FRMPD1: variants seen among roughly 807,000 people sequenced by gnomAD.
FRMPD1 encodes the protein FERM and PDZ domain containing 1, also known as FERM and PDZ domain-containing protein 1.
A neutral mutation model predicts 117.8 loss-of-function variants in FRMPD1; 76 were observed. The observed-to-expected ratio is 0.65, with a 90% CI of 0.54 to 0.78. The LOEUF (loss-of-function observed/expected upper bound fraction) is 0.78. Among genes scored for constraint, FRMPD1 ranks in the 30% least tolerant of loss-of-function variants. The pLI is 0.00. For missense variants in FRMPD1, 1,786 were observed against 1,964.5 expected, an observed-to-expected ratio of 0.91 and a Z score of 1.72; for synonymous variants, 783 against 770.4, an observed-to-expected ratio of 1.02 and a Z score of -0.27.
chr9:37,650,660 C>T (rs1032809464), upstream of FRMPD1, among the ~76,000 whole-genome samples: 3 of 152,164 alleles, frequency 2.0e-5, no homozygotes, highest in African/African-American at 7.2e-5. Context: ...TGGGGAGTCC[C>T]TTTCCTCTCC....
upstream of FRMPD1, among the ~76,000 whole-genome samples, chr9:37,650,769 G>T (rs1471652906): frequency 4.6e-5 from 7 of 151,584 alleles, no homozygotes; most frequent in African/African-American, 7.2e-5. Context: ...GAGCGGGACC[G>T]CCCACTGCGG....
intron 1 of FRMPD1, among the ~76,000 whole-genome samples, chr9:37,683,747 T>C (rs1821815451): frequency 6.6e-6 from 1 of 150,630 alleles, no homozygotes; most frequent in South Asian, 2.1e-4. Flanking sequence ...CTGCAGAGTG[T>C]TGTGTGAGGG....
rs573955616 is a variant in FRMPD1 at position 37,667,062 on chromosome 9, CT to C, written c.-5+15984del. ...GGAAAAGAGAGACAATTGAAGCATG[CT>C]TTTTTTTTTTTTTTTCCTGAGACAG... is the stretch of plus-strand genomic sequence containing the variant. On this transcript the variant is annotated intron_variant, in intron 1 of 15. Transcript: ENST00000377765. Among the ~76,000 whole-genome samples the C allele has an allele frequency of 8.9e-4, 99 of 111,026 alleles. 1 individual carries two copies. Among genetic ancestry groups the C allele is most frequent in the South Asian group, 1.6e-3 (5 of 3,210 alleles). 72.8% of individuals were successfully genotyped at this position (111,026 alleles called of 152,430 possible).
At chr9:37,672,879 C>T (rs1484847082) in intron 1 of FRMPD1, among the ~76,000 whole-genome samples, 1 of 152,064 alleles carries the variant, frequency 6.6e-6, no homozygotes, top group Admixed American at 6.5e-5. Flanking sequence ...AAGACCAGCC[C>T]CGTGATTAAA....
At chr9:37,699,293 A>T (rs371789782) in intron 2 of FRMPD1, among the ~76,000 whole-genome samples, 16 of 150,884 alleles carry the variant, frequency 1.1e-4, no homozygotes, top group African/African-American at 3.2e-4. Flanking sequence ...AATAAGCATG[A>T]GATTTACTGA....
At chr9:37,660,575 G>C (rs753757770) in intron 1 of FRMPD1, among the ~76,000 whole-genome samples, 8 of 152,130 alleles carry the variant, frequency 5.3e-5, no homozygotes, top group Non-Finnish European at 1.2e-4. Context: ...TTTTAAAGTA[G>C]GTTTAAACAA....
rs1277289276 is a variant in FRMPD1 at position 37,745,674 on chromosome 9, G to A, written c.3642G>A (p.Lys1214=). ...TAGACCCTGATTTCTTTCTTGGGAA[G>A]CAGACAGTTTCACCAGCCGTCCCTC... ...LDLDPDFFLG[K]QTVSPAVPPE... is the part of the protein sequence containing the mutation. Residue 1214 remains lysine (K), a synonymous_variant, in exon 16 of 16, where the codon AAG becomes AAA. Transcript: ENST00000377765. 1.9e-6 allele frequency: 3 copies of A among 1,614,014 alleles called. No homozygotes were observed. The highest frequency in any genetic ancestry group is 1.7e-6 in the Non-Finnish European group (2 of 1,180,032).
chr9:37,668,305 G>T (rs1432147154), intron 1 of FRMPD1: 1 of 152,266 alleles, frequency 6.6e-6, no homozygotes, highest in Non-Finnish European at 1.5e-5. Context: ...CGCAGATGAG[G>T]AGGGTCATGC....
intron 6 of FRMPD1, among the ~76,000 whole-genome samples, chr9:37,720,919 T>A (rs1030390397): frequency 7.9e-5 from 12 of 152,212 alleles, no homozygotes; most frequent in African/African-American, 2.4e-4. Context: ...AACACATGAC[T>A]CTTCATTTCA....
chr9:37,692,684 C>T lies in FRMPD1; in HGVS notation c.43C>T (p.His15Tyr). The T allele has an allele frequency of 6.2e-7, 1 of 1,613,910 alleles. No homozygotes were observed. The highest frequency in any genetic ancestry group is 8.5e-7 in the Non-Finnish European group (1 of 1,179,812). The change falls in exon 2 of 16, where the codon CAT becomes TAT. Residue 15 changes from histidine (H) to tyrosine (Y), a missense_variant. Coordinates refer to ENST00000377765, the MANE Select transcript of FRMPD1 (RefSeq NM_014907.3). ...ETSLFQTRKA[H>Y]RIEQMVARWL... ...CAGTTTATTCCAGACACGGAAAGCA[C>T]ATAGAATAGAACAAATGGTGGCAAG...
the FRMPD1 span, among the ~76,000 whole-genome samples, chr9:37,628,692 A>T: frequency 6.6e-6 from 1 of 152,218 alleles, no homozygotes; most frequent in Non-Finnish European, 1.5e-5. Context: ...TACCTGAGGG[A>T]TGGCCACTTG....
chr9:37,692,587 C>G (rs1822178012), intron 1 of FRMPD1, 51 bp from the exon 2 acceptor site: 2 of 1,172,424 alleles, frequency 1.7e-6, no homozygotes, highest in Admixed American at 3.4e-5. Flanking sequence ...TATCAAAATC[C>G]TCTTTAGAGT....
chr9:37,717,748 C>T (rs17416518), intron 5 of FRMPD1, among the ~76,000 whole-genome samples: 19,158 of 152,066 alleles, frequency 0.13, 1,514 homozygotes, highest in Middle Eastern at 0.19. Context: ...GTTCATTTTC[C>T]GGAAAACTTG....
chr9:37,674,957 G>T (rs954702725), intron 1 of FRMPD1, among the ~76,000 whole-genome samples: 1 of 152,056 alleles, frequency 6.6e-6, no homozygotes, highest in Non-Finnish European at 1.5e-5. Flanking sequence ...CACACCATGG[G>T]CCCTAAAAAA....
chr9:37,735,679 T>A lies in FRMPD1; in HGVS notation c.1346T>A (p.Leu449Gln), dbSNP rs959325480. 17 of 1,613,848 alleles carry A rather than the reference T, an allele frequency of 1.1e-5. No individual in the cohort carries two copies. Among genetic ancestry groups the A allele is most frequent in the Non-Finnish European group, 1.4e-5 (17 of 1,179,916 alleles). ...AEFANISRVELTEESEKVSVV... is the reference protein window; with the variant it reads ...AEFANISRVEQTEESEKVSVV... ...TTTGCAAACATCAGCCGTGTAGAGCTAACGGAAGAGTCTGAGAAAGTGAGC... is the reference window on the plus strand; with the variant it reads ...TTTGCAAACATCAGCCGTGTAGAGCAAACGGAAGAGTCTGAGAAAGTGAGC... Residue 449 changes from leucine (L) to glutamine (Q), a missense_variant, in exon 13 of 16, where the codon CTA becomes CAA. Transcript: ENST00000377765.
intron 6 of FRMPD1, among the ~76,000 whole-genome samples, chr9:37,723,510 G>C (rs1823486602): frequency 6.6e-6 from 1 of 152,176 alleles, no homozygotes; most frequent in African/African-American, 2.4e-5. Flanking sequence ...CTCCAAACCA[G>C]GCAGGTCCAG....
At chr9:37,661,286 C>T (rs1303103378) in intron 1 of FRMPD1, among the ~76,000 whole-genome samples, 1 of 152,152 alleles carries the variant, frequency 6.6e-6, no homozygotes, top group African/African-American at 2.4e-5. Flanking sequence ...CCTTTGACTT[C>T]ATCAGGCCTG....
chr9:37,713,668 A>G (rs1446472650), intron 5 of FRMPD1, among the ~76,000 whole-genome samples: 1 of 152,082 alleles, frequency 6.6e-6, no homozygotes, highest in African/African-American at 2.4e-5. Flanking sequence ...ATATAACTAT[A>G]TATAGTGTGT....
intron 1 of FRMPD1, among the ~76,000 whole-genome samples, chr9:37,670,677 G>A (rs1189859669): frequency 2.0e-5 from 3 of 152,234 alleles, no homozygotes; most frequent in African/African-American, 7.2e-5. Flanking sequence ...GCAATGGGGA[G>A]TCATTGAAGG....
Sources: allele counts gnomAD v4.1 joint callset (sites outside exome capture counted in the v4.1 genomes callset), GRCh38; gene constraint gnomAD v4.1.1; transcripts MANE v1.5; gene names NCBI Gene and HGNC (gene_info 2026-07-23, HGNC 2026-07-21).